Variants in GABRB3 observed in about 807,000 individuals in gnomAD.
The protein encoded by GABRB3 is gamma-aminobutyric acid receptor subunit beta-3.
GABRB3 carries 14 observed loss-of-function variants against 52.1 expected under a neutral mutation model. The ratio of observed to expected loss-of-function variants is 0.27; its 90% confidence interval spans 0.18 to 0.42. The LOEUF (loss-of-function observed/expected upper bound fraction) is 0.42, where lower values mean the gene tolerates loss of function less well. Ranked by LOEUF, GABRB3 falls within the 10% of genes least tolerant of loss-of-function variation. The probability of loss-of-function intolerance (pLI) is 1.00; values close to 1 mark genes in which losing one functional copy is unlikely to be tolerated. For missense variants in GABRB3, 307 were observed against 609.1 expected, an observed-to-expected ratio of 0.50 and a Z score of 5.22; for synonymous variants, 260 against 232.3, an observed-to-expected ratio of 1.12 and a Z score of -1.08.
intron 3 of GABRB3, among the ~76,000 whole-genome samples, chr15:26,694,340 C>T (rs1888672505): frequency 6.6e-6 from 1 of 152,084 alleles, no homozygotes; most frequent in African/African-American, 2.4e-5. Context: ...AAACTGTGAC[C>T]TAATCACAGA....
intron 3 of GABRB3, among the ~76,000 whole-genome samples, chr15:26,697,929 C>T (rs929787756): frequency 3.3e-5 from 5 of 152,172 alleles, no homozygotes; most frequent in South Asian, 2.1e-4. Context: ...TTTATTTTTC[C>T]GTTGAATTAC....
intron 3 of GABRB3, chr15:26,772,189 C>T: frequency 2.1e-6 from 1 of 476,668 alleles, no homozygotes; most frequent in Non-Finnish European, 3.6e-6. Flanking sequence ...GGTGCGCCCT[C>T]GCGGCTCCGA....
At chr15:26,745,761 G>A (rs547193357) in intron 3 of GABRB3, among the ~76,000 whole-genome samples, 99 of 152,300 alleles carry the variant, frequency 6.5e-4, no homozygotes, top group African/African-American at 2.2e-3. Flanking sequence ...AATTCCATGA[G>A]CGCCATCCAA....
intron 3 of GABRB3, among the ~76,000 whole-genome samples, chr15:26,697,955 T>C (rs1214051927): frequency 6.6e-6 from 1 of 152,188 alleles, no homozygotes; most frequent in Non-Finnish European, 1.5e-5. Flanking sequence ...TATGAAATAA[T>C]TTAGAACTCA....
Position 26,772,665 on chromosome 15 carries a change from C to T in GABRB3, c.172+16G>A, listed in dbSNP as rs1891184947. On this transcript the variant is annotated intron_variant, in intron 2 of 8. Transcript: ENST00000311550. ...TGGGTCGCGCTTCCCGCAACGGCCG[C>T]GCGCAGCCCACTTACCCCCGAAGTC... The T allele has an allele frequency of 1.3e-6, 2 of 1,556,570 alleles. No individual in the cohort carries two copies. Among genetic ancestry groups the T allele is most frequent in the African/African-American group, 1.4e-5 (1 of 70,204 alleles).
chr15:26,658,532 T>C (rs1054179505), intron 3 of GABRB3: 3 of 152,212 alleles, frequency 2.0e-5, no homozygotes, highest in Admixed American at 6.5e-5. Flanking sequence ...ATAGTCATAG[T>C]TCTCATAATC....
At chr15:26,668,069 C>T (rs544316828) in intron 3 of GABRB3, among the ~76,000 whole-genome samples, 30 of 152,234 alleles carry the variant, frequency 2.0e-4, no homozygotes, top group Non-Finnish European at 3.2e-4. Context: ...GCTGGAGTCA[C>T]CCAGACAAGA....
At chr15:26,731,416 G>A (rs1165529602) in intron 3 of GABRB3, among the ~76,000 whole-genome samples, 1 of 152,138 alleles carries the variant, frequency 6.6e-6, no homozygotes, top group African/African-American at 2.4e-5. Flanking sequence ...ACCTTTTTGA[G>A]GCTTTGCCAG....
intron 3 of GABRB3, among the ~76,000 whole-genome samples, chr15:26,682,419 T>C (rs933008393): frequency 2.0e-5 from 3 of 152,110 alleles, no homozygotes; most frequent in African/African-American, 7.2e-5. Flanking sequence ...CAAAATGAAA[T>C]CTGAGCAGGG....
intron 3 of GABRB3, among the ~76,000 whole-genome samples, chr15:26,754,258 A>G (rs1307206054): frequency 2.0e-5 from 3 of 152,196 alleles, no homozygotes; most frequent in Non-Finnish European, 4.4e-5. Flanking sequence ...GACGACCAGC[A>G]ACAAGGGTTC....
chr15:26,715,993 C>A (rs143706814), intron 3 of GABRB3, among the ~76,000 whole-genome samples: 37 of 152,282 alleles, frequency 2.4e-4, no homozygotes, highest in African/African-American at 8.4e-4. Context: ...CTGTTGTGAA[C>A]ACAGTGCTGG....
intron 8 of GABRB3, among the ~76,000 whole-genome samples, chr15:26,551,265 C>T (rs1889450940): frequency 1.3e-5 from 2 of 152,274 alleles, no homozygotes; most frequent in Non-Finnish European, 2.9e-5. Context: ...AAGTCATAGA[C>T]TTCTGAAGTG....
chr15:26,743,634 A>C (rs1890265744), intron 3 of GABRB3, among the ~76,000 whole-genome samples: 1 of 152,150 alleles, frequency 6.6e-6, no homozygotes, highest in South Asian at 2.1e-4. Flanking sequence ...GAAGGTGAAC[A>C]TCATTAGTTT....
intron 6 of GABRB3, among the ~76,000 whole-genome samples, chr15:26,572,831 C>T (rs963372763): frequency 2.0e-5 from 3 of 152,306 alleles, no homozygotes; most frequent in Middle Eastern, 3.4e-3. Flanking sequence ...GACAGAGGCA[C>T]AGTCCCTGGG....
intron 3 of GABRB3, among the ~76,000 whole-genome samples, chr15:26,722,035 G>C (rs892087413): frequency 7.2e-5 from 11 of 152,060 alleles, no homozygotes; most frequent in Admixed American, 6.6e-4. Context: ...TCTTTAAATT[G>C]AAATGCAATC....
At chr15:26,723,086 A>G (rs1290120436) in intron 3 of GABRB3, among the ~76,000 whole-genome samples, 3 of 152,208 alleles carry the variant, frequency 2.0e-5, no homozygotes, top group Admixed American at 1.3e-4. Context: ...AAGTTCTGCA[A>G]TCATGGTAAG....
chr15:26,596,618 G>T (rs978370811), intron 4 of GABRB3, among the ~76,000 whole-genome samples: 1 of 151,992 alleles, frequency 6.6e-6, no homozygotes, highest in Non-Finnish European at 1.5e-5. Context: ...TTCAGGTATA[G>T]AAATTTCCCA....
intron 4 of GABRB3, among the ~76,000 whole-genome samples, chr15:26,601,781 G>A (rs1309152110): frequency 6.6e-6 from 1 of 151,908 alleles, no homozygotes; most frequent in Admixed American, 6.6e-5. Flanking sequence ...AATAAAAATC[G>A]AGAAACTAAA....
intron 3 of GABRB3, among the ~76,000 whole-genome samples, chr15:26,733,166 AAAAT>A (rs1205539253): frequency 6.6e-6 from 1 of 152,190 alleles, no homozygotes; most frequent in African/African-American, 2.4e-5. Flanking sequence ...TTAGACAAGA[AAAAT>A]AAATAAAGGG....
Sources: allele counts gnomAD v4.1 joint callset (sites outside exome capture counted in the v4.1 genomes callset), GRCh38; gene constraint gnomAD v4.1.1; transcripts MANE v1.5; gene names NCBI Gene and HGNC (gene_info 2026-07-23, HGNC 2026-07-21).